Variants in TRAPPC9 observed in about 807,000 individuals in gnomAD.
TRAPPC9 encodes the protein IKK2 binding protein.
In TRAPPC9, 83 loss-of-function variants were observed where a neutral mutation model predicts 124.0. The observed-to-expected ratio is 0.67, with a 90% CI of 0.56 to 0.80. TRAPPC9 has a LOEUF of 0.80. TRAPPC9 is among the 30% of genes least tolerant of loss of function. The pLI is 0.00. For missense variants in TRAPPC9, 1,302 were observed against 1,508.3 expected (o/e 0.86, Z 2.27); for synonymous variants, 638 against 617.5 (o/e 1.03, Z -0.49).
chr8:139,958,893 G>A (rs1262726803), intron 19 of TRAPPC9, among the ~76,000 whole-genome samples: 2 of 150,562 alleles, frequency 1.3e-5, no homozygotes, highest in Non-Finnish European at 2.9e-5. Context: ...ACTGCATTCC[G>A]AGTCACACAG....
At chr8:140,115,663 G>A (rs915055257) in intron 17 of TRAPPC9, among the ~76,000 whole-genome samples, 2 of 152,130 alleles carry the variant, frequency 1.3e-5, no homozygotes. Flanking sequence ...GGCAGATGCA[G>A]TAAGGCCCAG....
intron 16 of TRAPPC9, among the ~76,000 whole-genome samples, chr8:140,235,459 T>C (rs978958480): frequency 1.3e-5 from 2 of 152,076 alleles, no homozygotes; most frequent in South Asian, 2.1e-4. Flanking sequence ...GGAAGGTAAA[T>C]AACCCAATAA....
intron 19 of TRAPPC9, among the ~76,000 whole-genome samples, chr8:139,938,922 GGCGTGA>G (rs1484561515): frequency 6.6e-6 from 1 of 152,244 alleles, no homozygotes; most frequent in Non-Finnish European, 1.5e-5. Context: ...TGGGATTACA[GGCGTGA>G]GCCACCGCGC....
At chr8:140,385,397 T>C (rs531818228) in intron 7 of TRAPPC9, among the ~76,000 whole-genome samples, 1 of 151,512 alleles carries the variant, frequency 6.6e-6, no homozygotes, top group East Asian at 1.9e-4. Flanking sequence ...TTTGAAAAGA[T>C]CAACAAAATT....
At chr8:139,940,101 C>G (rs958553471) in intron 19 of TRAPPC9, among the ~76,000 whole-genome samples, 1 of 152,226 alleles carries the variant, frequency 6.6e-6, no homozygotes, top group African/African-American at 2.4e-5. Context: ...GGATTCCCGT[C>G]GTTTGGTTGG....
chr8:140,030,701 A>G (rs1413173067), intron 17 of TRAPPC9, among the ~76,000 whole-genome samples: 1 of 152,344 alleles, frequency 6.6e-6, no homozygotes, highest in South Asian at 2.1e-4. Context: ...TTACTGATAC[A>G]TACACAACAT....
chr8:139,753,690 CTTATGTCTGCCA>C (rs1488579863), intron 21 of TRAPPC9, among the ~76,000 whole-genome samples: 1 of 152,206 alleles, frequency 6.6e-6, no homozygotes, highest in African/African-American at 2.4e-5. Context: ...CCCATTAAGC[CTTATGTCTGCCA>C]TTACTAGCTG....
At chr8:140,023,312 C>T (rs1046932174) in intron 18 of TRAPPC9, among the ~76,000 whole-genome samples, 8 of 152,258 alleles carry the variant, frequency 5.3e-5, no homozygotes, top group African/African-American at 1.9e-4. Flanking sequence ...TGAGAAATAT[C>T]ATTCTCCCAC....
chr8:139,990,325 C>T (rs956138100), intron 18 of TRAPPC9, among the ~76,000 whole-genome samples: 1 of 152,146 alleles, frequency 6.6e-6, no homozygotes, highest in Non-Finnish European at 1.5e-5. Flanking sequence ...GAGCTCGAAA[C>T]CCTCGGCTTT....
chr8:140,150,934 C>T (rs776734501), intron 17 of TRAPPC9, among the ~76,000 whole-genome samples: 2 of 152,138 alleles, frequency 1.3e-5, no homozygotes, highest in Non-Finnish European at 2.9e-5. Context: ...CTGTAGGGAA[C>T]GCTATCCTGA....
At chr8:139,734,627 C>T (rs1374445043) in intron 21 of TRAPPC9, among the ~76,000 whole-genome samples, 1 of 152,232 alleles carries the variant, frequency 6.6e-6, no homozygotes, top group African/African-American at 2.4e-5. Flanking sequence ...CTGCAGAAAC[C>T]ATTTGGTCCC....
intron 7 of TRAPPC9, among the ~76,000 whole-genome samples, chr8:140,383,895 G>A (rs1015448461): frequency 6.6e-5 from 10 of 152,256 alleles, no homozygotes; most frequent in African/African-American, 1.9e-4. Context: ...AGGAAAAAAT[G>A]TTAAGGGCAG....
intron 17 of TRAPPC9, among the ~76,000 whole-genome samples, chr8:140,178,195 C>T (rs1563821365): frequency 6.6e-6 from 1 of 152,120 alleles, no homozygotes; most frequent in Admixed American, 6.5e-5. Context: ...AACATCCTTG[C>T]CTTCTTACCG....
chr8:140,372,764 C>T (rs1377466031), intron 7 of TRAPPC9, among the ~76,000 whole-genome samples: 2 of 152,224 alleles, frequency 1.3e-5, no homozygotes, highest in African/African-American at 4.8e-5. Flanking sequence ...TATGAACAAG[C>T]AAGTGGGCCC....
At chr8:140,258,723 G>A (rs1266876404) in intron 15 of TRAPPC9, among the ~76,000 whole-genome samples, 1 of 152,234 alleles carries the variant, frequency 6.6e-6, no homozygotes, top group Non-Finnish European at 1.5e-5. Context: ...AATCAATTCA[G>A]GATAGAATGG....
intron 5 of TRAPPC9, among the ~76,000 whole-genome samples, chr8:140,412,403 T>G (rs1276788093): frequency 6.6e-6 from 1 of 152,148 alleles, no homozygotes; most frequent in Admixed American, 6.6e-5. Context: ...CTGGACTGGA[T>G]CCCGCATCAG....
chr8:139,737,522 T>C (rs1563773939), intron 21 of TRAPPC9, among the ~76,000 whole-genome samples: 1 of 125,608 alleles, frequency 8.0e-6, no homozygotes, highest in African/African-American at 2.9e-5. Context: ...AGGGTCCAGT[T>C]TTCTCCCACT....
intron 21 of TRAPPC9, among the ~76,000 whole-genome samples, chr8:139,785,113 A>G (rs1310514539): frequency 2.6e-5 from 4 of 152,220 alleles, no homozygotes; most frequent in Non-Finnish European, 5.9e-5. Flanking sequence ...TAGTCCAGAA[A>G]TAGATCTGCA....
intron 19 of TRAPPC9, among the ~76,000 whole-genome samples, chr8:139,979,375 A>G (rs993800757): frequency 5.9e-5 from 9 of 152,148 alleles, no homozygotes; most frequent in Admixed American, 1.3e-4. Flanking sequence ...AAACGTCTCT[A>G]GCCCAGCACA....
Sources: allele counts gnomAD v4.1 joint callset (sites outside exome capture counted in the v4.1 genomes callset), GRCh38; gene constraint gnomAD v4.1.1; transcripts MANE v1.5; gene names NCBI Gene and HGNC (gene_info 2026-07-23, HGNC 2026-07-21).